Variants in PI4KA observed in about 807,000 individuals in gnomAD.
The protein encoded by PI4KA is PI4-kinase alpha.
A neutral mutation model predicts 271.4 loss-of-function variants in PI4KA; 122 were observed. That is an observed-to-expected ratio of 0.45 (90% confidence interval 0.39 to 0.52). PI4KA has a LOEUF of 0.52. Ranked by LOEUF, PI4KA falls within the 20% of genes least tolerant of loss-of-function variation. The pLI is 0.00. For missense variants in PI4KA, 1,969 were observed against 2,769.1 expected, an observed-to-expected ratio of 0.71 and a Z score of 6.48; for synonymous variants, 1,041 against 1,078.8, an observed-to-expected ratio of 0.96 and a Z score of 0.69.
intron 14 of PI4KA, among the ~76,000 whole-genome samples, chr22:20,801,581 A>AT (rs1205163405): frequency 1.3e-5 from 2 of 149,756 alleles, no homozygotes; most frequent in African/African-American, 5.0e-5. Flanking sequence ...GCAAGACTGT[A>AT]TAAAAAAAAA....
intron 34 of PI4KA, 58 bp from the exon 35 acceptor site, chr22:20,733,901 C>A (rs187105162): frequency 1.2e-6 from 2 of 1,610,592 alleles, no homozygotes; most frequent in East Asian, 4.5e-5. Context: ...CCAAGTTCAC[C>A]TTATGGACTC....
intron 10 of PI4KA, 119 bp downstream of exon 10, chr22:20,807,243 T>C (rs1027048032): frequency 1.5e-6 from 1 of 652,992 alleles, no homozygotes; most frequent in Admixed American, 2.9e-5. Flanking sequence ...ACTTTGCTCA[T>C]ATGTGTTTTT....
intron 17 of PI4KA, among the ~76,000 whole-genome samples, chr22:20,796,885 A>T (rs1375525739): frequency 6.6e-6 from 1 of 152,208 alleles, no homozygotes; most frequent in Non-Finnish European, 1.5e-5. Context: ...TGAAGCTGAC[A>T]TTGCCCCTTT....
At chr22:20,820,439 T>G in intron 5 of PI4KA, 100 bp downstream of exon 5, 2 of 787,792 alleles carry the variant, frequency 2.5e-6, no homozygotes, top group Non-Finnish European at 4.3e-6. Flanking sequence ...TTTTCTCCCA[T>G]CATATATATT....
At chr22:20,710,930 A>G in intron 51 of PI4KA, 72 bp from the exon 52 acceptor site, 1 of 1,575,010 alleles carries the variant, frequency 6.3e-7, no homozygotes. Context: ...GTCTGTTTTG[A>G]GGAGTGGAAA....
chr22:20,758,459 CTTTTT>C lies in PI4KA; in HGVS notation c.2791+2840_2791+2844del, dbSNP rs35401829. On this transcript the variant is annotated intron_variant, in intron 23 of 54. Transcript: ENST00000255882. ...TTTGTGTGTGATTTTTCTTTCTTTT[CTTTTT>C]TTTTTTTTTTTTTGCTCATTAGCTA... Among the ~76,000 whole-genome samples the C allele has an allele frequency of 1.5e-4, 13 of 85,018 alleles. No individual in the cohort carries two copies. In the Admixed American group the frequency reaches 1.9e-3, roughly 12 times the overall value. 55.8% of individuals were successfully genotyped at this position (85,018 alleles called of 152,430 possible).
chr22:20,819,569 G>C (rs983836324), intron 6 of PI4KA, 72 bp downstream of exon 6: 1 of 1,374,426 alleles, frequency 7.3e-7, no homozygotes. Context: ...CTACAAAGAA[G>C]AGGGATTTTC....
intron 14 of PI4KA, among the ~76,000 whole-genome samples, chr22:20,800,529 TTC>T (rs1341202173): frequency 6.6e-6 from 1 of 152,078 alleles, no homozygotes; most frequent in African/African-American, 2.4e-5. Flanking sequence ...TGGATAATCC[TTC>T]TCTTTTTACT....
At chr22:20,750,344 T>C (rs1930534661) in intron 27 of PI4KA, among the ~76,000 whole-genome samples, 1 of 152,166 alleles carries the variant, frequency 6.6e-6, no homozygotes, top group Admixed American at 6.5e-5. Context: ...GAGAGAGGTC[T>C]CCACAGAAAC....
Position 20,743,221 on chromosome 22 carries a change from G to A in PI4KA, c.3457-457C>T, listed in dbSNP as rs1051288861. Among the ~76,000 whole-genome samples, 3 of 151,020 alleles carry A rather than the reference G, an allele frequency of 2.0e-5. No individual in the cohort carries two copies. The East Asian group carries it at 5.9e-4, about 30-fold the overall frequency. On this transcript the variant is annotated intron_variant, in intron 30 of 54. Transcript: ENST00000255882. ...AGTGCAGTGGCGTGATCTCGACTCAGTGCAACCTCCGCCTCCTGGGTTCAA... is the reference window on the plus strand; with the variant it reads ...AGTGCAGTGGCGTGATCTCGACTCAATGCAACCTCCGCCTCCTGGGTTCAA...
Position 20,751,686 on chromosome 22 carries a change from C to T in PI4KA, c.3057G>A (p.Leu1019=), listed in dbSNP as rs752756378. The T allele has an allele frequency of 5.0e-6, 8 of 1,613,892 alleles. No individual in the cohort carries two copies. The Admixed American group carries it at 1.3e-4, about 27-fold the overall frequency. Residue 1019 remains leucine (L), a synonymous_variant, in exon 26 of 55, where the codon CTG becomes CTA. Coordinates refer to ENST00000255882, the MANE Select transcript of PI4KA (RefSeq NM_058004.4). ...TMLDILQTLS[L]SLSADIHKDQ... ...TGGGGACACTCACAGCGCTCAGTGACAGTGACAGGGTCTGCAGGATGTCCA... is the reference window on the plus strand; with the variant it reads ...TGGGGACACTCACAGCGCTCAGTGATAGTGACAGGGTCTGCAGGATGTCCA...
chr22:20,712,878 G>A, intron 48 of PI4KA, 81 bp from the exon 49 acceptor site: 1 of 1,549,282 alleles, frequency 6.5e-7, no homozygotes, highest in Non-Finnish European at 8.7e-7. Context: ...CAGGGCAAAA[G>A]CCAAGCACCC....
intron 1 of PI4KA, among the ~76,000 whole-genome samples, chr22:20,857,606 C>T (rs542244907): frequency 5.3e-5 from 8 of 152,330 alleles, no homozygotes; most frequent in Middle Eastern, 6.8e-3. Flanking sequence ...TCATCGCACA[C>T]GGGTGGGCAA....
chr22:20,728,587 A>T (rs1927642256), intron 39 of PI4KA, among the ~76,000 whole-genome samples: 1 of 152,202 alleles, frequency 6.6e-6, no homozygotes, highest in African/African-American at 2.4e-5. Flanking sequence ...AGGGGCAGCT[A>T]CTGGTTTCCA....
intron 19 of PI4KA, among the ~76,000 whole-genome samples, chr22:20,771,481 G>A (rs536611561): frequency 6.6e-6 from 1 of 151,938 alleles, no homozygotes; most frequent in South Asian, 2.1e-4. Context: ...ACTGAAAAAT[G>A]TCAATGTCAA....
intron 4 of PI4KA, among the ~76,000 whole-genome samples, chr22:20,821,279 C>T (rs536266298): frequency 2.6e-5 from 4 of 152,262 alleles, no homozygotes; most frequent in African/African-American, 9.6e-5. Flanking sequence ...AGTGCAGTGG[C>T]ATGATCTTGG....
At chr22:20,750,159 G>A (rs1269233209) in intron 27 of PI4KA, among the ~76,000 whole-genome samples, 165 bp from the exon 28 acceptor site, 1 of 152,196 alleles carries the variant, frequency 6.6e-6, no homozygotes, top group Non-Finnish European at 1.5e-5. Flanking sequence ...CTTTAAAGAG[G>A]TGATTCAATT....
intron 3 of PI4KA, among the ~76,000 whole-genome samples, chr22:20,830,662 T>C (rs895130977): frequency 2.0e-5 from 3 of 152,358 alleles, no homozygotes; most frequent in Admixed American, 6.5e-5. Context: ...TTGATATGTG[T>C]GGCTCTGTTC....
At chr22:20,830,352 G>GATAC (rs362140) in intron 3 of PI4KA, among the ~76,000 whole-genome samples, 73,741 of 151,648 alleles carry the variant, frequency 0.49, 18,396 homozygotes, top group African/African-American at 0.58. Flanking sequence ...TCCCGTGTTG[G>GATAC]ATATAGTCAA....
Sources: allele counts gnomAD v4.1 joint callset (sites outside exome capture counted in the v4.1 genomes callset), GRCh38; gene constraint gnomAD v4.1.1; transcripts MANE v1.5; gene names NCBI Gene and HGNC (gene_info 2026-07-23, HGNC 2026-07-21).